Variants in FBN3 observed in about 807,000 individuals in gnomAD.
The protein encoded by FBN3 is fibrillin 3.
FBN3 carries 234 observed loss-of-function variants against 330.1 expected under a neutral mutation model. That is an observed-to-expected ratio of 0.71 (90% CI 0.64 to 0.79). The LOEUF (loss-of-function observed/expected upper bound fraction) is 0.79. FBN3 is among the 30% of genes least tolerant of loss of function. FBN3 has a pLI of 0.00. For synonymous variants in FBN3, 1,458 were observed against 1,517.3 expected, an observed-to-expected ratio of 0.96 and a Z score of 0.91; for missense variants, 3,606 against 3,886.9, an observed-to-expected ratio of 0.93 and a Z score of 1.92.
Position 8,096,871 on chromosome 19 carries a change from C to G in FBN3, c.5413+10G>C. 1 of 1,612,098 alleles carries G rather than the reference C, an allele frequency of 6.2e-7. No individual in the cohort carries two copies. The highest frequency in any genetic ancestry group is 8.5e-7 in the Non-Finnish European group (1 of 1,179,804). Reference sequence around the variant, plus strand: ...CAGCTCCCTCACCTCCTCCCAGGGACCCTGCTCACCCACACAAGCCCCGCC... The same window carrying G: ...CAGCTCCCTCACCTCCTCCCAGGGAGCCTGCTCACCCACACAAGCCCCGCC... On this transcript the variant is annotated intron_variant, in intron 43 of 63. Coordinates refer to ENST00000600128, the MANE Select transcript of FBN3 (RefSeq NM_032447.5). This position sits in a 1 kb window ranked among gnomAD's most constrained non-coding sequence, Gnocchi z 4.6.
Position 8,141,711 on chromosome 19 carries a change from A to AC in FBN3, c.865+5dup. 6.2e-7 allele frequency: 1 copy of AC among 1,610,154 alleles called. No individual in the cohort carries two copies. The highest frequency in any genetic ancestry group is 8.5e-7 in the Non-Finnish European group (1 of 1,177,650). On this transcript the variant is annotated splice_donor_region_variant and intron_variant, in intron 8 of 63. Coordinates refer to ENST00000600128, the MANE Select transcript of FBN3 (RefSeq NM_032447.5). ...GGTCTCAGGTTGTCCCCCTCCAGTC[A>AC]CCCACCTTCACATGCGGCGCTGCTG...
intron 30 of FBN3, 96 bp from the exon 31 acceptor site, chr19:8,112,195 G>T: frequency 7.4e-7 from 1 of 1,358,664 alleles, no homozygotes; most frequent in East Asian, 2.4e-5. Flanking sequence ...CCTCTCTAGG[G>T]GAGAGCTGGC....
intron 24 of FBN3, among the ~76,000 whole-genome samples, chr19:8,122,805 C>T (rs2082883702): frequency 2.0e-5 from 3 of 151,990 alleles, no homozygotes; most frequent in African/African-American, 4.8e-5. Flanking sequence ...GCTGGGACTA[C>T]AGGTGCCTGC....
chr19:8,142,186 G>A (rs12162237), intron 6 of FBN3, 49 bp from the exon 7 acceptor site: 727,241 of 1,484,270 alleles, frequency 0.49, 181,385 homozygotes, highest in South Asian at 0.68. Context: ...GCCCCTGTCT[G>A]GAGATCTCTG....
chr19:8,089,773 C>CTTT, intron 50 of FBN3, 103 bp from the exon 51 acceptor site: 6 of 1,564,476 alleles, frequency 3.8e-6, no homozygotes, highest in Non-Finnish European at 5.2e-6. Flanking sequence ...AAGCCCCAGG[C>CTTT]TGGCAGGGTC....
chr19:8,096,601 G>T lies in FBN3; in HGVS notation c.5414-32C>A. ...GTGCAGAGAGCATGGTGTTCCCAGG[G>T]CTCCTACCACAGTGTTTGCCTGAGC... On this transcript the variant is annotated intron_variant, in intron 43 of 63. Transcript: ENST00000600128. This position sits in a 1 kb window ranked among gnomAD's most constrained non-coding sequence, Gnocchi z 4.6. 1 of 1,584,586 alleles carries T rather than the reference G, an allele frequency of 6.3e-7. No individual in the cohort carries two copies.
intron 26 of FBN3, among the ~76,000 whole-genome samples, chr19:8,117,894 ACACT>A (rs747134736): frequency 5.3e-5 from 8 of 152,124 alleles, no homozygotes; most frequent in Non-Finnish European, 1.0e-4. Context: ...ACTCAGATAC[ACACT>A]CACACTCAAG....
intron 56 of FBN3, 102 bp from the exon 57 acceptor site, chr19:8,083,474 G>T: frequency 7.0e-7 from 1 of 1,430,382 alleles, no homozygotes; most frequent in Non-Finnish European, 9.6e-7. Context: ...TCGGAGGAAA[G>T]TCCAGCCTCC....
In FBN3 at chr19:8,121,509, G is replaced by C; in HGVS notation, c.3083-123C>G. 2 of 992,342 alleles carry C rather than the reference G, an allele frequency of 2.0e-6. No individual in the cohort carries two copies. Among genetic ancestry groups the C allele is most frequent in the Non-Finnish European group, 2.8e-6 (2 of 704,896 alleles). The allele number at this position is 992,342 out of a possible 1,614,324, so 61.5% of individuals were successfully genotyped here. A position where few individuals can be genotyped will look rare whatever the true frequency, so the allele number is the denominator to read the frequency against. On this transcript the variant is annotated intron_variant, in intron 24 of 63. Coordinates refer to ENST00000600128, the MANE Select transcript of FBN3 (RefSeq NM_032447.5). The surrounding 1 kb of genome is among the most constrained non-coding windows in gnomAD (Gnocchi z 4.5). ...GAGGAAGCCCATCTGCAGACATAAG[G>C]AGGCACAGGCCAAGAGGGGAGGCAT... is the stretch of plus-strand genomic sequence containing the variant.
Position 8,123,868 on chromosome 19 carries a change from C to T in FBN3, c.2872G>A (p.Glu958Lys), listed in dbSNP as rs1490830189. Residue 958 changes from glutamate to lysine, a missense_variant, in exon 23 of 64, where the codon GAG (glutamate) becomes AAG (lysine). By Grantham distance (56) the Glu-to-Lys change is moderately conservative. Transcript: ENST00000600128. ...GVECEACPDP[E>K]SLEFASLCPR... is the part of the protein sequence containing the mutation. ...CACAGGCTGGCGAACTCCAGAGACT[C>T]GGGATCCGGGCAGGCCTCGCACTCG... 6.8e-6 allele frequency: 11 copies of T among 1,613,112 alleles called. No homozygotes were observed. Among genetic ancestry groups the T allele is most frequent in the East Asian group, 2.2e-5 (1 of 44,890 alleles).
chr19:8,128,031 T>G (rs1315849095), intron 18 of FBN3, among the ~76,000 whole-genome samples: 1 of 151,862 alleles, frequency 6.6e-6, no homozygotes, highest in Non-Finnish European at 1.5e-5. Flanking sequence ...ATAAAGGATA[T>G]TACAAATGAT....
At chr19:8,068,701 C>CAAATAAATAAATAAAT (rs1555721997) in intron 63 of FBN3, among the ~76,000 whole-genome samples, 236 of 127,950 alleles carry the variant, frequency 1.8e-3, no homozygotes, top group African/African-American at 6.1e-3. Flanking sequence ...GACCTTGTCT[C>CAAATAAATAAATAAAT]AAATAAATAA....
chr19:8,095,259 C>A, intron 46 of FBN3, 116 bp downstream of exon 46: 1 of 1,136,014 alleles, frequency 8.8e-7, no homozygotes, highest in Non-Finnish European at 1.2e-6. Flanking sequence ...TTTTTTAAAT[C>A]TTAAAATAAA....
chr19:8,110,341 G>A (rs1278052026), intron 34 of FBN3, among the ~76,000 whole-genome samples: 1 of 152,216 alleles, frequency 6.6e-6, no homozygotes, highest in Non-Finnish European at 1.5e-5. Context: ...TTATGGGCAT[G>A]AGCCACCACT....
At chr19:8,082,308 C>CCTCT (rs145765478) in intron 57 of FBN3, among the ~76,000 whole-genome samples, 73,391 of 150,230 alleles carry the variant, frequency 0.49, 18,222 homozygotes, top group Admixed American at 0.54. Flanking sequence ...TCTCTTTCTC[C>CCTCT]CTTTCTCTTT....
intron 40 of FBN3, among the ~76,000 whole-genome samples, 158 bp downstream of exon 40, chr19:8,102,566 G>A (rs549197598): frequency 6.6e-6 from 1 of 152,126 alleles, no homozygotes; most frequent in Non-Finnish European, 1.5e-5. Context: ...TTTCTTCACA[G>A]CAGTATGAGA....
At chr19:8,114,725 C>T (rs541151507) in intron 30 of FBN3, among the ~76,000 whole-genome samples, 17 of 151,510 alleles carry the variant, frequency 1.1e-4, no homozygotes, top group African/African-American at 3.9e-4. Flanking sequence ...CTGCACCAGG[C>T]GGAGAATCAT....
intron 63 of FBN3, among the ~76,000 whole-genome samples, chr19:8,071,794 CGCCTGACTTGTCACCAGGAGTG>C (rs2081517914): frequency 2.0e-5 from 3 of 152,190 alleles, no homozygotes; most frequent in Admixed American, 6.5e-5. Context: ...GTATGGAAGA[CGCCTGACTTGTCACCAGGAGTG>C]AGGCAGAGTG....
chr19:8,121,411 G>A lies in FBN3; in HGVS notation c.3083-25C>T, dbSNP rs762600795. 1.4e-5 allele frequency: 22 copies of A among 1,569,156 alleles called. No individual in the cohort carries two copies. The highest frequency in any genetic ancestry group is 8.2e-5 in the South Asian group (7 of 85,014). On this transcript the variant is annotated intron_variant, in intron 24 of 63. Transcript: ENST00000600128. The surrounding 1 kb of genome is among the most constrained non-coding windows in gnomAD (Gnocchi z 4.5). ...TCTGTGGGGAGAGGGGGCAGAGGCC[G>A]GAGGCGCCATGTGGGCCGCATCATG...
Sources: allele counts gnomAD v4.1 joint callset (sites outside exome capture counted in the v4.1 genomes callset), GRCh38; gene constraint gnomAD v4.1.1; non-coding constraint Gnocchi (gnomAD v3.1); transcripts MANE v1.5; gene names NCBI Gene and HGNC (gene_info 2026-07-23, HGNC 2026-07-21).